Variants in PALD1 observed in about 807,000 individuals in gnomAD.
PALD1 encodes phosphatase domain containing paladin 1.
A neutral mutation model predicts 96.0 loss-of-function variants in PALD1; 57 were observed. The ratio of observed to expected loss-of-function variants is 0.59; its 90% CI spans 0.48 to 0.74. The LOEUF (loss-of-function observed/expected upper bound fraction) is 0.74. Ranked by LOEUF, PALD1 falls within the 30% of genes least tolerant of loss-of-function variation. PALD1 has a pLI of 0.00. For synonymous variants in PALD1, 464 were observed against 473.6 expected (o/e 0.98, Z 0.26); for missense variants, 1,063 against 1,143.7 (o/e 0.93, Z 1.02).
chr10:70,474,020 C>G (rs935485140), upstream of PALD1, among the ~76,000 whole-genome samples: 2 of 152,176 alleles, frequency 1.3e-5, no homozygotes, highest in Non-Finnish European at 2.9e-5. Context: ...CTGCTTTTCT[C>G]TCCTGATCTG....
At chr10:70,504,691 C>T (rs1189986361) in intron 1 of PALD1, among the ~76,000 whole-genome samples, 2 of 152,148 alleles carry the variant, frequency 1.3e-5, no homozygotes, top group African/African-American at 4.8e-5. Context: ...AAGCCTCTTT[C>T]GTGTCTGGCT....
At chr10:70,512,993 G>A (rs1846543584) in intron 1 of PALD1, among the ~76,000 whole-genome samples, 1 of 152,218 alleles carries the variant, frequency 6.6e-6, no homozygotes, top group African/African-American at 2.4e-5. Flanking sequence ...TGATCATACA[G>A]ATTGCTCCTG....
At chr10:70,558,999 A>T (rs903307319) in intron 18 of PALD1, among the ~76,000 whole-genome samples, 1 of 152,044 alleles carries the variant, frequency 6.6e-6, no homozygotes, top group African/African-American at 2.4e-5. Context: ...TGGGCACTGG[A>T]AGATTGTGTC....
intron 1 of PALD1, among the ~76,000 whole-genome samples, chr10:70,496,146 C>T (rs951443106): frequency 6.6e-6 from 1 of 152,094 alleles, no homozygotes; most frequent in African/African-American, 2.4e-5. Flanking sequence ...TTTCGGACTC[C>T]CAGCCCATGT....
chr10:70,472,285 A>G, the PALD1 span, among the ~76,000 whole-genome samples: 1 of 151,994 alleles, frequency 6.6e-6, no homozygotes, highest in Non-Finnish European at 1.5e-5. Context: ...ATTGAGACGG[A>G]GTTTTGCTCT....
the PALD1 span, among the ~76,000 whole-genome samples, chr10:70,464,966 T>C: frequency 6.7e-6 from 1 of 148,768 alleles, no homozygotes; most frequent in African/African-American, 2.5e-5. Flanking sequence ...TGTATGTATG[T>C]ATGTATGTAT....
rs573040598 is a variant in PALD1, at chr10:70,538,270, C to T, written c.1324-10C>T. ...CCCTGAATTCCTCGTCTCTCTGCCT[C>T]GGGCTGCAGTACCCGCTGGCCTTTG... On this transcript the variant is annotated splice_polypyrimidine_tract_variant and intron_variant, in intron 11 of 19. Coordinates refer to ENST00000263563, the MANE Select transcript of PALD1 (RefSeq NM_014431.3). 31 of 1,600,532 alleles carry T rather than the reference C, an allele frequency of 1.9e-5. No homozygotes were observed. Among genetic ancestry groups the T allele is most frequent in the Middle Eastern group, 1.7e-4 (1 of 5,776 alleles).
chr10:70,525,348 G>A (rs1308416171), intron 1 of PALD1, among the ~76,000 whole-genome samples: 1 of 152,116 alleles, frequency 6.6e-6, no homozygotes, highest in African/African-American at 2.4e-5. Flanking sequence ...TGAGTTTGGG[G>A]CCTGGTATTT....
the PALD1 span, among the ~76,000 whole-genome samples, chr10:70,459,929 A>G: frequency 6.6e-6 from 1 of 151,564 alleles, no homozygotes; most frequent in Non-Finnish European, 1.5e-5. Context: ...TGGTGCCTAC[A>G]CTCCCCGCTT....
At chr10:70,484,203 G>A (rs191765160) in intron 1 of PALD1, among the ~76,000 whole-genome samples, 3 of 152,002 alleles carry the variant, frequency 2.0e-5, no homozygotes, top group Admixed American at 6.6e-5. Context: ...GGGTTTCACC[G>A]CATTGGCCAG....
chr10:70,526,665 A>C (rs925799738), intron 2 of PALD1, among the ~76,000 whole-genome samples: 2 of 152,064 alleles, frequency 1.3e-5, no homozygotes, highest in Non-Finnish European at 2.9e-5. Context: ...CCAGAGGAAG[A>C]GGGTTATGAT....
rs1846851499 is a variant in PALD1, at chr10:70,525,947, A to C, written c.-5A>C. Reference sequence around the variant, plus strand: ...GGTCTGGGGTCCTGAGGCTGCTGGCAGACTATGGGTACAACGGCCAGCACA... The same window carrying C: ...GGTCTGGGGTCCTGAGGCTGCTGGCCGACTATGGGTACAACGGCCAGCACA... On this transcript the variant is annotated 5_prime_UTR_variant, in exon 2 of 20. Coordinates refer to ENST00000263563, the MANE Select transcript of PALD1 (RefSeq NM_014431.3). 6.2e-7 allele frequency: 1 copy of C among 1,613,860 alleles called. No homozygotes were observed. Among genetic ancestry groups the C allele is most frequent in the Non-Finnish European group, 8.5e-7 (1 of 1,180,008 alleles).
chr10:70,493,308 G>A (rs1049091132), intron 1 of PALD1, among the ~76,000 whole-genome samples: 1 of 152,210 alleles, frequency 6.6e-6, no homozygotes, highest in African/African-American at 2.4e-5. Context: ...TAAACAAGAG[G>A]TGCTTACTGT....
At chr10:70,489,733 G>A (rs1846070254) in intron 1 of PALD1, among the ~76,000 whole-genome samples, 1 of 152,132 alleles carries the variant, frequency 6.6e-6, no homozygotes, top group Middle Eastern at 3.2e-3. Context: ...TACATTCAAA[G>A]AGCTGTTGTC....
At chr10:70,530,611 G>C (rs1846972209) in intron 4 of PALD1, among the ~76,000 whole-genome samples, 5 of 152,152 alleles carry the variant, frequency 3.3e-5, no homozygotes. Flanking sequence ...GTTGAGGCAG[G>C]GTTTTGCGTG....
intron 1 of PALD1, among the ~76,000 whole-genome samples, chr10:70,479,300 T>G (rs1451346768): frequency 6.6e-6 from 1 of 152,190 alleles, no homozygotes; most frequent in Non-Finnish European, 1.5e-5. Context: ...CCGAGTTCCC[T>G]GGGTTTGGTG....
chr10:70,474,529 T>G (rs1185930229), upstream of PALD1, among the ~76,000 whole-genome samples: 3 of 152,172 alleles, frequency 2.0e-5, no homozygotes, highest in Non-Finnish European at 2.9e-5. Flanking sequence ...CCACCACCAC[T>G]GCACTCCAGC....
At chr10:70,529,360 G>A (rs1162095331) in intron 3 of PALD1, 29 bp downstream of exon 3, 13 of 1,103,310 alleles carry the variant, frequency 1.2e-5, no homozygotes, top group East Asian at 2.4e-5. Flanking sequence ...CTGCCAGCCC[G>A]CCTGCTGCCT....
chr10:70,520,410 C>T (rs534999426), intron 1 of PALD1, among the ~76,000 whole-genome samples: 1 of 152,326 alleles, frequency 6.6e-6, no homozygotes, highest in African/African-American at 2.4e-5. Context: ...GACTTCTACT[C>T]CCAAGATATT....
Sources: allele counts gnomAD v4.1 joint callset (sites outside exome capture counted in the v4.1 genomes callset), GRCh38; gene constraint gnomAD v4.1.1; transcripts MANE v1.5; gene names NCBI Gene and HGNC (gene_info 2026-07-23, HGNC 2026-07-21).